SLC35F1: variants seen among roughly 807,000 people sequenced by gnomAD.
SLC35F1 encodes chromosome 6 open reading frame 169.
A neutral mutation model predicts 48.7 loss-of-function variants in SLC35F1; 14 were observed. The observed-to-expected ratio is 0.29, with a 90% CI of 0.19 to 0.45. The LOEUF (loss-of-function observed/expected upper bound fraction) is 0.45, where lower values mean the gene tolerates loss of function less well. Ranked by LOEUF, SLC35F1 falls within the 20% of genes least tolerant of loss-of-function variation. The pLI is 1.00. For missense variants in SLC35F1, 404 were observed against 500.0 expected, an observed-to-expected ratio of 0.81 and a Z score of 1.83; for synonymous variants, 190 against 202.2, an observed-to-expected ratio of 0.94 and a Z score of 0.51.
At chr6:118,048,953 A>G (rs536904884) in intron 1 of SLC35F1, among the ~76,000 whole-genome samples, 1 of 152,310 alleles carries the variant, frequency 6.6e-6, no homozygotes, top group Non-Finnish European at 1.5e-5. Flanking sequence ...ACGCTACCTG[A>G]CTTCAAACCT....
intron 3 of SLC35F1, among the ~76,000 whole-genome samples, chr6:118,240,663 G>A (rs566797106): frequency 3.3e-5 from 5 of 152,292 alleles, no homozygotes; most frequent in Non-Finnish European, 7.3e-5. Context: ...CTCTGGGAAC[G>A]TTTGTCAAAG....
intron 3 of SLC35F1, among the ~76,000 whole-genome samples, chr6:118,248,356 A>AT (rs544764377): frequency 5.4e-4 from 82 of 152,358 alleles, no homozygotes; most frequent in African/African-American, 1.9e-3. Flanking sequence ...GTTACTTTAC[A>AT]TAGCAAAAAA....
intron 1 of SLC35F1, among the ~76,000 whole-genome samples, chr6:117,988,097 C>G (rs1052027537): frequency 6.6e-5 from 10 of 152,104 alleles, no homozygotes; most frequent in African/African-American, 2.4e-4. Context: ...ACACATTACT[C>G]CTTGAGAACT....
chr6:118,088,997 G>A (rs964823015), intron 1 of SLC35F1, among the ~76,000 whole-genome samples: 4 of 152,090 alleles, frequency 2.6e-5, no homozygotes. Context: ...TGCACAGTTG[G>A]GGGTCCAAAT....
chr6:118,125,449 TG>T (rs1221035216), intron 1 of SLC35F1, among the ~76,000 whole-genome samples: 2 of 152,156 alleles, frequency 1.3e-5, no homozygotes, highest in Admixed American at 1.3e-4. Context: ...GGAATTTTTC[TG>T]AAAGGTGAAA....
intron 1 of SLC35F1, among the ~76,000 whole-genome samples, chr6:118,017,098 G>A (rs1310220379): frequency 6.6e-6 from 1 of 152,190 alleles, no homozygotes; most frequent in Non-Finnish European, 1.5e-5. Flanking sequence ...AACCAATCTA[G>A]GAGAGGAAAG....
chr6:118,086,576 A>G (rs956873337), intron 1 of SLC35F1, among the ~76,000 whole-genome samples: 1 of 152,226 alleles, frequency 6.6e-6, no homozygotes, highest in Non-Finnish European at 1.5e-5. Context: ...GAAAGGTTTT[A>G]CTTGCAGCTA....
chr6:118,169,387 C>T lies in SLC35F1; in HGVS notation c.349+14767C>T, dbSNP rs575545031. 2.0e-5 allele frequency among the ~76,000 whole-genome samples: 3 copies of T among 152,300 alleles called. No individual in the cohort carries two copies. The South Asian group carries it at 6.2e-4, about 32-fold the overall frequency. On this transcript the variant is annotated intron_variant, in intron 2 of 7. Transcript: ENST00000360388. ...CATATATCTATGCAGCCTCCCATGG[C>T]TAACATTTAAGCAGACTCAACAAAT...
chr6:118,112,092 T>A (rs1381235659), intron 1 of SLC35F1, among the ~76,000 whole-genome samples: 601 of 22,558 alleles, frequency 0.027, 9 homozygotes, highest in African/African-American at 0.059. Context: ...CTTTCTTTTC[T>A]TTTCTTTTCT....
chr6:118,062,029 A>G (rs1772548652), intron 1 of SLC35F1, among the ~76,000 whole-genome samples: 1 of 151,798 alleles, frequency 6.6e-6, no homozygotes, highest in Non-Finnish European at 1.5e-5. Context: ...AGTTTTACCC[A>G]TATTCTAGTG....
At chr6:118,188,080 C>T (rs1237533438) in intron 2 of SLC35F1, among the ~76,000 whole-genome samples, 1 of 152,158 alleles carries the variant, frequency 6.6e-6, no homozygotes, top group Non-Finnish European at 1.5e-5. Context: ...GACACAGAGT[C>T]GCAGATTGAA....
intron 2 of SLC35F1, among the ~76,000 whole-genome samples, chr6:118,179,124 G>C (rs932295869): frequency 6.6e-6 from 1 of 151,992 alleles, no homozygotes; most frequent in Non-Finnish European, 1.5e-5. Flanking sequence ...CAGGGGCTTG[G>C]GTATGCTTCA....
intron 2 of SLC35F1, among the ~76,000 whole-genome samples, chr6:118,208,197 T>C (rs1468867234): frequency 6.6e-6 from 1 of 152,138 alleles, no homozygotes; most frequent in Non-Finnish European, 1.5e-5. Context: ...TGGCTTCCAC[T>C]GCTTGTGCAC....
At position 118,297,671 on chromosome 6, in the gene SLC35F1, TAAGTTCTGAGAA is replaced by T. The variant is rs1198097289; in HGVS notation, c.1002+12335_1002+12346del. Reference sequence around the variant, plus strand: ...TATATATAATATATATAATATTATATAAGTTCTGAGAAATATATATTATATATATAAGTTCTG... The same window carrying T: ...TATATATAATATATATAATATTATATATATATATTATATATATAAGTTCTG... On this transcript the variant is annotated intron_variant, in intron 7 of 7. Transcript: ENST00000360388. 3.6e-3 allele frequency among the ~76,000 whole-genome samples: 488 copies of T among 135,564 alleles called. 2 individuals carry two copies. The highest frequency in any genetic ancestry group is 5.4e-3 in the South Asian group (24 of 4,430). 88.9% of individuals were successfully genotyped at this position (135,564 alleles called of 152,430 possible).
rs1776418909 is a variant in SLC35F1 at position 118,315,346 on chromosome 6, C to G, written c.*1094C>G. ...TGGCTTAATTGATTTGGCCACTTTGCAGTGGTAACAATGTCATCATTGAAA... is the reference window on the plus strand; with the variant it reads ...TGGCTTAATTGATTTGGCCACTTTGGAGTGGTAACAATGTCATCATTGAAA... On this transcript the variant is annotated 3_prime_UTR_variant, in exon 8 of 8. Coordinates refer to ENST00000360388, the MANE Select transcript of SLC35F1 (RefSeq NM_001029858.4). 1 of 151,946 alleles carries G rather than the reference C, an allele frequency of 6.6e-6. No homozygotes were observed. Among genetic ancestry groups the G allele is most frequent in the South Asian group, 2.1e-4 (1 of 4,814 alleles). The allele number at this position is 151,946 out of a possible 1,614,324, so 9.4% of individuals were successfully genotyped here.
chr6:118,005,431 C>A (rs1159787247), intron 1 of SLC35F1, among the ~76,000 whole-genome samples: 1 of 152,088 alleles, frequency 6.6e-6, no homozygotes, highest in Non-Finnish European at 1.5e-5. Context: ...TCTGATGTTA[C>A]CCAAACTGTT....
chr6:118,223,249 ATAACT>A (rs1473175532), intron 2 of SLC35F1, among the ~76,000 whole-genome samples: 2 of 152,240 alleles, frequency 1.3e-5, no homozygotes, highest in South Asian at 2.1e-4. Flanking sequence ...CCTCGGAAAA[ATAACT>A]TAACCTCTTC....
chr6:118,073,382 AATAGGGTATACCTATTATAACTGCCTC>A (rs1282901180), intron 1 of SLC35F1, among the ~76,000 whole-genome samples: 1 of 152,236 alleles, frequency 6.6e-6, no homozygotes, highest in African/African-American at 2.4e-5. Context: ...CTCATTTGTA[AATAGGGTATACCTATTATAACTGCCTC>A]ATAGGGTTGT....
intron 1 of SLC35F1, among the ~76,000 whole-genome samples, chr6:118,064,437 A>T (rs767046533): frequency 3.9e-5 from 6 of 152,226 alleles, no homozygotes; most frequent in Admixed American, 3.3e-4. Context: ...GTTCCAAACC[A>T]CAGCACAATA....
Sources: gnomAD v4.1 joint callset for allele counts (sites outside exome capture counted in the v4.1 genomes callset) on GRCh38, gnomAD v4.1.1 for gene constraint, MANE v1.5 for transcripts, NCBI Gene and HGNC (gene_info 2026-07-23, HGNC 2026-07-21) for gene names.